The following BTBD9 variants were observed in gnomAD, a reference collection of about 807,000 sequenced individuals.
The protein encoded by BTBD9 is BTB domain containing 9.
A neutral mutation model predicts 64.3 loss-of-function variants in BTBD9; 49 were observed. That is an observed-to-expected ratio of 0.76 (90% CI 0.61 to 0.97). The LOEUF is 0.97. Among genes scored for constraint, BTBD9 ranks in the 50% least tolerant of loss-of-function variants. The probability of loss-of-function intolerance (pLI) is 0.00; values close to 1 mark genes in which losing one functional copy is unlikely to be tolerated. For missense variants in BTBD9, 598 were observed against 762.1 expected, an observed-to-expected ratio of 0.78 and a Z score of 2.53; for synonymous variants, 260 against 274.7, an observed-to-expected ratio of 0.95 and a Z score of 0.53.
At chr6:38,255,570 T>C (rs1764547749) in intron 9 of BTBD9, among the ~76,000 whole-genome samples, 1 of 152,216 alleles carries the variant, frequency 6.6e-6, no homozygotes, top group African/African-American at 2.4e-5. Flanking sequence ...CACAGACTCC[T>C]TCCTCCTATC....
At chr6:38,547,454 A>G (rs1484375384) in intron 6 of BTBD9, among the ~76,000 whole-genome samples, 2 of 152,148 alleles carry the variant, frequency 1.3e-5, no homozygotes, top group African/African-American at 4.8e-5. Flanking sequence ...AAATAAATAT[A>G]AACCTGCTAA....
At chr6:38,227,673 C>T (rs1763445976) in intron 9 of BTBD9, among the ~76,000 whole-genome samples, 1 of 152,208 alleles carries the variant, frequency 6.6e-6, no homozygotes, top group Non-Finnish European at 1.5e-5. Context: ...AACAAGGGAT[C>T]ACTTTCCTTT....
intron 8 of BTBD9, among the ~76,000 whole-genome samples, chr6:38,264,356 A>G (rs1259767102): frequency 6.6e-6 from 1 of 152,164 alleles, no homozygotes; most frequent in African/African-American, 2.4e-5. Flanking sequence ...CAGAACAGAG[A>G]GAGACTGGAG....
chr6:38,499,583 T>C (rs558997595), intron 6 of BTBD9, among the ~76,000 whole-genome samples: 109 of 152,352 alleles, frequency 7.2e-4, no homozygotes, highest in African/African-American at 2.5e-3. Context: ...CTAATTTTTA[T>C]ATCTGCTTTG....
intron 6 of BTBD9, among the ~76,000 whole-genome samples, chr6:38,358,496 C>G (rs537036943): frequency 2.6e-4 from 39 of 152,192 alleles, no homozygotes; most frequent in African/African-American, 8.7e-4. Context: ...GAGTTACTGC[C>G]GCAGCAGCAA....
intron 8 of BTBD9, among the ~76,000 whole-genome samples, chr6:38,275,500 G>T (rs1162796737): frequency 6.6e-6 from 1 of 151,280 alleles, no homozygotes; most frequent in Non-Finnish European, 1.5e-5. Context: ...TGACAAATGG[G>T]ATCTAATTAA....
chr6:38,416,113 A>G (rs1767654035), intron 6 of BTBD9, among the ~76,000 whole-genome samples: 1 of 152,182 alleles, frequency 6.6e-6, no homozygotes, highest in Admixed American at 6.5e-5. Flanking sequence ...GAGACTGGAG[A>G]AAAACACTTC....
intron 6 of BTBD9, among the ~76,000 whole-genome samples, chr6:38,512,587 G>A (rs1772823206): frequency 6.6e-6 from 1 of 152,126 alleles, no homozygotes. Context: ...TCCACAATAA[G>A]GAGGACTGTG....
intron 8 of BTBD9, among the ~76,000 whole-genome samples, chr6:38,260,582 G>A (rs1764756413): frequency 6.6e-6 from 1 of 152,166 alleles, no homozygotes; most frequent in Non-Finnish European, 1.5e-5. Flanking sequence ...TGTTCTAGTA[G>A]ATATTCTTGG....
intron 6 of BTBD9, among the ~76,000 whole-genome samples, chr6:38,484,932 G>A (rs1033328829): frequency 9.2e-5 from 14 of 152,136 alleles, no homozygotes; most frequent in African/African-American, 2.2e-4. Flanking sequence ...GAAGTCTGCT[G>A]CATCTATTGA....
chr6:38,474,153 C>G (rs748730637), intron 6 of BTBD9, among the ~76,000 whole-genome samples: 4 of 152,226 alleles, frequency 2.6e-5, no homozygotes, highest in Non-Finnish European at 5.9e-5. Flanking sequence ...AAAGAACACT[C>G]TAACTGCTGA....
At chr6:38,529,371 C>G (rs141557274) in intron 6 of BTBD9, among the ~76,000 whole-genome samples, 1 of 152,318 alleles carries the variant, frequency 6.6e-6, no homozygotes, top group East Asian at 1.9e-4. Context: ...GCAAGACCCA[C>G]AGTGTTACTA....
At chr6:38,256,012 T>C (rs192126761) in intron 9 of BTBD9, among the ~76,000 whole-genome samples, 2 of 151,744 alleles carry the variant, frequency 1.3e-5, no homozygotes, top group East Asian at 3.9e-4. Context: ...GGCACATGTA[T>C]ACCTATGTAT....
chr6:38,368,447 G>T (rs1765279216), intron 6 of BTBD9, among the ~76,000 whole-genome samples: 1 of 152,048 alleles, frequency 6.6e-6, no homozygotes, highest in Non-Finnish European at 1.5e-5. Context: ...CGATTCTCCT[G>T]CCTCAGCCTC....
chr6:38,530,029 T>C (rs1773716946), intron 6 of BTBD9, among the ~76,000 whole-genome samples: 1 of 152,092 alleles, frequency 6.6e-6, no homozygotes, highest in Admixed American at 6.6e-5. Context: ...TTAATATTAA[T>C]ACCCAGGGAA....
At chr6:38,523,914 T>C (rs1582573360) in intron 6 of BTBD9, among the ~76,000 whole-genome samples, 2 of 152,330 alleles carry the variant, frequency 1.3e-5, no homozygotes, top group Middle Eastern at 6.8e-3. Context: ...CCAAAGTCTG[T>C]GCTCTTAAAC....
intron 9 of BTBD9, among the ~76,000 whole-genome samples, chr6:38,203,501 T>C (rs182690866): frequency 6.6e-6 from 1 of 152,316 alleles, no homozygotes; most frequent in Non-Finnish European, 1.5e-5. Context: ...TCAACCTAAG[T>C]GTCCATCAAT....
chr6:38,475,994 G>C (rs1024784919), intron 6 of BTBD9, among the ~76,000 whole-genome samples: 1 of 152,088 alleles, frequency 6.6e-6, no homozygotes, highest in African/African-American at 2.4e-5. Flanking sequence ...ACTCTTCAAA[G>C]AATGTAAACT....
At chr6:38,632,403 A>G (rs959663085) in intron 1 of BTBD9, among the ~76,000 whole-genome samples, 4 of 152,216 alleles carry the variant, frequency 2.6e-5, no homozygotes, top group African/African-American at 7.2e-5. Context: ...TGAACCATAA[A>G]TAGAATGTAT....
Sources: gnomAD v4.1 joint callset for allele counts (sites outside exome capture counted in the v4.1 genomes callset) on GRCh38, gnomAD v4.1.1 for gene constraint, MANE v1.5 for transcripts, NCBI Gene and HGNC (gene_info 2026-07-23, HGNC 2026-07-21) for gene names.